Variants in DNAH14 observed in about 807,000 individuals in gnomAD.
The protein encoded by DNAH14 is dynein axonemal heavy chain 14, also known as axonemal beta dynein heavy chain 14.
Under a neutral mutation model 520.9 loss-of-function variants are expected in DNAH14, and 478 were observed. The ratio of observed to expected loss-of-function variants is 0.92; its 90% CI spans 0.85 to 0.99. The LOEUF (loss-of-function observed/expected upper bound fraction) is 0.99, where lower values mean the gene tolerates loss of function less well. Among genes scored for constraint, DNAH14 ranks in the 50% least tolerant of loss-of-function variants. The probability of loss-of-function intolerance (pLI) is 0.00; values close to 1 mark genes in which losing one functional copy is unlikely to be tolerated. For missense variants in DNAH14, 4,831 were observed against 5,234.5 expected (o/e 0.92, Z 2.38); for synonymous variants, 1,581 against 1,757.2 (o/e 0.90, Z 2.51).
chr1:225,398,425 G>A (rs765236330), intron 84 of DNAH14, 95 bp from the exon 85 acceptor site: 197 of 1,410,786 alleles, frequency 1.4e-4, no homozygotes, highest in Middle Eastern at 9.4e-4. Context: ...GGCAGGATGA[G>A]CCCCTCTGGA....
At chr1:225,160,199 C>A (rs2081387371) in intron 35 of DNAH14, among the ~76,000 whole-genome samples, 2 of 152,156 alleles carry the variant, frequency 1.3e-5, no homozygotes, top group African/African-American at 4.8e-5. Flanking sequence ...CTCTTCCTTT[C>A]TTCCCTGTTC....
chr1:225,227,789 A>G (rs896871736), intron 41 of DNAH14, among the ~76,000 whole-genome samples: 2 of 152,166 alleles, frequency 1.3e-5, no homozygotes, highest in African/African-American at 4.8e-5. Context: ...CATGGGACAT[A>G]TCGTAATTCC....
At chr1:225,226,745 A>T (rs1464061278) in intron 41 of DNAH14, among the ~76,000 whole-genome samples, 1 of 152,174 alleles carries the variant, frequency 6.6e-6, no homozygotes, top group Non-Finnish European at 1.5e-5. Flanking sequence ...GAGGACCTGC[A>T]CTGGCACTGG....
intron 9 of DNAH14, among the ~76,000 whole-genome samples, chr1:225,003,740 T>A (rs2063948340): frequency 6.6e-6 from 1 of 152,118 alleles, no homozygotes; most frequent in Admixed American, 6.6e-5. Context: ...ATATAGAGAA[T>A]GTTTATGTTT....
At chr1:225,150,436 C>G (rs2080386161) in intron 31 of DNAH14, among the ~76,000 whole-genome samples, 1 of 152,114 alleles carries the variant, frequency 6.6e-6, no homozygotes, top group Admixed American at 6.5e-5. Context: ...AGTCTCTCCT[C>G]CTCAATTTTT....
At chr1:224,955,136 T>C (rs1335383339) in intron 3 of DNAH14, 38 bp downstream of exon 3, 1 of 1,579,914 alleles carries the variant, frequency 6.3e-7, no homozygotes, top group Admixed American at 2.0e-5. Context: ...TGTTGATTTA[T>C]ATTTTAGTTT....
intron 8 of DNAH14, among the ~76,000 whole-genome samples, chr1:224,982,082 CAG>C (rs745916036): frequency 5.3e-4 from 81 of 152,278 alleles, no homozygotes; most frequent in African/African-American, 1.7e-3. Flanking sequence ...ATGGCCCTCT[CAG>C]GGGGAGGTCA....
intron 30 of DNAH14, 74 bp downstream of exon 30, chr1:225,145,453 A>G: frequency 8.3e-7 from 1 of 1,204,274 alleles, no homozygotes; most frequent in Non-Finnish European, 1.1e-6. Context: ...GAAGAATAAA[A>G]GAACAAGAAA....
At chr1:225,235,422 G>A (rs992126116) in intron 42 of DNAH14, among the ~76,000 whole-genome samples, 2 of 152,072 alleles carry the variant, frequency 1.3e-5, no homozygotes, top group African/African-American at 4.8e-5. Context: ...GCTTTTTGAT[G>A]TACTGCTGGA....
chr1:224,997,619 T>C (rs1386856531), intron 8 of DNAH14, among the ~76,000 whole-genome samples: 1 of 152,154 alleles, frequency 6.6e-6, no homozygotes, highest in African/African-American at 2.4e-5. Context: ...CTTTTACTGA[T>C]ATCAGTCTGT....
chr1:225,252,230 G>C (rs2092581262), intron 43 of DNAH14, 71 bp from the exon 44 acceptor site: 1 of 828,038 alleles, frequency 1.2e-6, no homozygotes, highest in Non-Finnish European at 2.0e-6. Context: ...TTCAGAGAGA[G>C]TTTACATGGT....
chr1:225,084,902 A>G (rs888477604), intron 20 of DNAH14, among the ~76,000 whole-genome samples: 12 of 151,384 alleles, frequency 7.9e-5, no homozygotes, highest in Admixed American at 4.0e-4. Context: ...TGATGGTTCT[A>G]TAGTTCCTTA....
chr1:225,233,794 G>C lies in DNAH14; in HGVS notation c.6518+2643G>C, dbSNP rs111277996. On this transcript the variant is annotated intron_variant, in intron 42 of 85. Transcript: ENST00000682510. Reference sequence around the variant, plus strand: ...GTGCAGATGCTCTTTAGTTTGATTAGATCCCATTTGTCAATTTTTGCTTTA... The same window carrying C: ...GTGCAGATGCTCTTTAGTTTGATTACATCCCATTTGTCAATTTTTGCTTTA... 9.9e-3 allele frequency among the ~76,000 whole-genome samples: 1,514 copies of C among 152,182 alleles called. 22 individuals are homozygous for C. Among genetic ancestry groups the C allele is most frequent in the African/African-American group, 0.034 (1,431 of 41,524 alleles).
At chr1:224,972,661 T>C (rs1394347473) in intron 7 of DNAH14, among the ~76,000 whole-genome samples, 3 of 152,064 alleles carry the variant, frequency 2.0e-5, no homozygotes, top group Non-Finnish European at 2.9e-5. Flanking sequence ...GACACAGGGT[T>C]TCGCTGTGTT....
intron 15 of DNAH14, among the ~76,000 whole-genome samples, chr1:225,044,469 A>G (rs1483832830): frequency 6.6e-6 from 1 of 152,124 alleles, no homozygotes; most frequent in Admixed American, 6.5e-5. Context: ...AAGTTGCATC[A>G]TTCTCCAGTC....
intron 3 of DNAH14, among the ~76,000 whole-genome samples, chr1:224,959,325 G>A (rs2060704720): frequency 6.6e-6 from 1 of 151,958 alleles, no homozygotes; most frequent in Non-Finnish European, 1.5e-5. Flanking sequence ...TTCAACATTT[G>A]ATCTTTGGAA....
At chr1:225,337,141 G>A (rs2095074399) in intron 66 of DNAH14, 125 bp from the exon 67 acceptor site, 2 of 850,870 alleles carry the variant, frequency 2.4e-6, no homozygotes, top group African/African-American at 1.7e-5. Flanking sequence ...CATTTCCTTA[G>A]CATTTTTAAA....
intron 3 of DNAH14, among the ~76,000 whole-genome samples, chr1:224,955,664 G>A (rs545790012): frequency 1.1e-4 from 16 of 152,212 alleles, no homozygotes; most frequent in South Asian, 4.1e-4. Context: ...CTTGTGTGGG[G>A]AAAACTGTAC....
At chr1:225,065,759 CATTCATCTGTTGATAG>C (rs2070803170) in intron 17 of DNAH14, among the ~76,000 whole-genome samples, 1 of 151,978 alleles carries the variant, frequency 6.6e-6, no homozygotes, top group South Asian at 2.1e-4. Context: ...TTTATTTGTC[CATTCATCTGTTGATAG>C]ACACATAGTG....
Sources: gnomAD v4.1 joint callset for allele counts (sites outside exome capture counted in the v4.1 genomes callset) on GRCh38, gnomAD v4.1.1 for gene constraint, MANE v1.5 for transcripts, NCBI Gene and HGNC (gene_info 2026-07-23, HGNC 2026-07-21) for gene names.